EIF4EBP1: variants seen among roughly 807,000 people sequenced by gnomAD.
The protein encoded by EIF4EBP1 is eukaryotic translation initiation factor 4E binding protein 1.
In EIF4EBP1, 5 loss-of-function variants were observed where a neutral mutation model predicts 9.2. That is an observed-to-expected ratio of 0.54 (90% CI 0.28 to 1.14). EIF4EBP1 has a LOEUF of 1.14. EIF4EBP1 is among the 50% of genes most tolerant of loss of function. EIF4EBP1 has a pLI of 0.09. For missense variants in EIF4EBP1, 139 were observed against 169.6 expected (o/e 0.82, Z 1.00); for synonymous variants, 62 against 67.0 (o/e 0.93, Z 0.36).
chr8:38,052,615 G>A (rs898777890), intron 1 of EIF4EBP1, among the ~76,000 whole-genome samples: 26 of 151,960 alleles, frequency 1.7e-4, no homozygotes, highest in African/African-American at 6.0e-4. Flanking sequence ...TACTTGGGAG[G>A]CTGAGGCAAG....
chr8:38,035,919 G>C (rs573377914), intron 1 of EIF4EBP1, among the ~76,000 whole-genome samples: 1 of 151,334 alleles, frequency 6.6e-6, no homozygotes, highest in South Asian at 2.1e-4. Context: ...ACGTTGGCCA[G>C]GCTGGTCTCG....
intron 1 of EIF4EBP1, among the ~76,000 whole-genome samples, chr8:38,033,632 G>C (rs1434157381): frequency 6.6e-6 from 1 of 151,656 alleles, no homozygotes; most frequent in African/African-American, 2.4e-5. Context: ...ATTGGAGTAA[G>C]TACCCCCCAG....
At chr8:38,056,563 C>G (rs187222780) in intron 1 of EIF4EBP1, among the ~76,000 whole-genome samples, 44 of 152,052 alleles carry the variant, frequency 2.9e-4, no homozygotes, top group Non-Finnish European at 4.9e-4. Context: ...CTGCAGACCC[C>G]TTCCATTGGA....
intron 1 of EIF4EBP1, 64 bp from the exon 2 acceptor site, chr8:38,057,017 A>T (rs1585532419): frequency 2.5e-6 from 4 of 1,573,264 alleles, no homozygotes; most frequent in Non-Finnish European, 3.5e-6. Context: ...CGCCTTTAAA[A>T]AGTGGAAAAA....
At chr8:38,056,663 C>CT (rs575250125) in intron 1 of EIF4EBP1, among the ~76,000 whole-genome samples, 6,187 of 130,732 alleles carry the variant, frequency 0.047, 159 homozygotes, top group South Asian at 0.075. Context: ...ACTACTCTGG[C>CT]TTTTTTTTTT....
At chr8:38,051,169 T>G (rs1430152555) in intron 1 of EIF4EBP1, among the ~76,000 whole-genome samples, 2 of 152,142 alleles carry the variant, frequency 1.3e-5, no homozygotes, top group Non-Finnish European at 2.9e-5. Context: ...ATCCCCAGAT[T>G]CCATGCTGTG....
At chr8:38,052,555 C>G (rs1218057558) in intron 1 of EIF4EBP1, among the ~76,000 whole-genome samples, 3 of 152,008 alleles carry the variant, frequency 2.0e-5, no homozygotes, top group Non-Finnish European at 4.4e-5. Context: ...ATGGCAAAAC[C>G]CTGTCTCCAC....
intron 1 of EIF4EBP1, among the ~76,000 whole-genome samples, chr8:38,034,548 A>G (rs1809273708): frequency 6.6e-6 from 1 of 152,198 alleles, no homozygotes; most frequent in Admixed American, 6.5e-5. Context: ...TCAGAAAGAA[A>G]CTTTCCCTCA....
At chr8:38,034,654 A>G (rs1809275069) in intron 1 of EIF4EBP1, among the ~76,000 whole-genome samples, 1 of 152,210 alleles carries the variant, frequency 6.6e-6, no homozygotes, top group Non-Finnish European at 1.5e-5. Context: ...GTACCTGGAT[A>G]AGGTGAATCC....
intron 1 of EIF4EBP1, among the ~76,000 whole-genome samples, chr8:38,049,840 C>A (rs1462952004): frequency 6.6e-6 from 1 of 151,956 alleles, no homozygotes; most frequent in Non-Finnish European, 1.5e-5. Flanking sequence ...TCCTTCTGGA[C>A]TTCCTGCCAT....
chr8:38,031,054 C>A (rs1419281021), intron 1 of EIF4EBP1, among the ~76,000 whole-genome samples: 1 of 152,172 alleles, frequency 6.6e-6, no homozygotes, highest in Non-Finnish European at 1.5e-5. Flanking sequence ...CGGGAGAGGG[C>A]GGAGTTAGGG....
In EIF4EBP1 at chr8:38,042,650, A is replaced by G. The variant is rs79306335; in HGVS notation, c.145+11932A>G. 3.3e-3 allele frequency among the ~76,000 whole-genome samples: 510 copies of G among 152,302 alleles called. 1 individual carries two copies. Among genetic ancestry groups the G allele is most frequent in the African/African-American group, 0.011 (451 of 41,566 alleles). ...CCAAATCTCTTCTCATAAGGACCCC[A>G]GTCAGACTGGATTAGGGCCCCACCC... On this transcript the variant is annotated intron_variant, in intron 1 of 2. Coordinates refer to ENST00000338825, the MANE Select transcript of EIF4EBP1 (RefSeq NM_004095.4).
chr8:38,057,325 A>G, intron 2 of EIF4EBP1, 65 bp downstream of exon 2: 1 of 1,512,408 alleles, frequency 6.6e-7, no homozygotes, highest in South Asian at 1.3e-5. Context: ...CCTGGAGTCC[A>G]TCCACTGGGG....
At chr8:38,031,123 T>A (rs542683585) in intron 1 of EIF4EBP1, among the ~76,000 whole-genome samples, 14 of 152,286 alleles carry the variant, frequency 9.2e-5, no homozygotes, top group African/African-American at 1.9e-4. Flanking sequence ...TATTATCTGT[T>A]GGGATAAACG....
intron 1 of EIF4EBP1, among the ~76,000 whole-genome samples, chr8:38,045,574 G>A (rs1809439062): frequency 1.3e-5 from 2 of 151,688 alleles, no homozygotes; most frequent in African/African-American, 4.8e-5. Flanking sequence ...GCATGGTGGT[G>A]CATGCCTGTA....
chr8:38,046,699 CATT>C (rs748053693), intron 1 of EIF4EBP1, among the ~76,000 whole-genome samples: 4 of 152,200 alleles, frequency 2.6e-5, no homozygotes, highest in Non-Finnish European at 5.9e-5. Flanking sequence ...TCATCATCAT[CATT>C]GTCGTCGCCA....
chr8:38,040,730 G>T (rs559038048), intron 1 of EIF4EBP1, among the ~76,000 whole-genome samples: 1 of 152,186 alleles, frequency 6.6e-6, no homozygotes. Flanking sequence ...TCTAGCTTGA[G>T]TTTTATTTAC....
chr8:38,055,897 G>A (rs1809588039), intron 1 of EIF4EBP1, among the ~76,000 whole-genome samples: 1 of 152,146 alleles, frequency 6.6e-6, no homozygotes, highest in African/African-American at 2.4e-5. Context: ...TTGGGATGGT[G>A]GGGTAGAATT....
chr8:38,037,047 T>G (rs1585522213), intron 1 of EIF4EBP1, among the ~76,000 whole-genome samples: 1 of 152,318 alleles, frequency 6.6e-6, no homozygotes, highest in East Asian at 1.9e-4. Context: ...TTCTTGCCTG[T>G]GCCAACAAAC....
Sources: allele counts gnomAD v4.1 joint callset (sites outside exome capture counted in the v4.1 genomes callset), GRCh38; gene constraint gnomAD v4.1.1; transcripts MANE v1.5; gene names NCBI Gene and HGNC (gene_info 2026-07-23, HGNC 2026-07-21).